Variants in ATP2C1 observed in about 807,000 individuals in gnomAD.
ATP2C1 encodes calcium-transporting ATPase type 2C member 1.
ATP2C1 carries 31 observed loss-of-function variants against 120.5 expected under a neutral mutation model. The observed-to-expected ratio is 0.26, with a 90% confidence interval of 0.19 to 0.35. The LOEUF (loss-of-function observed/expected upper bound fraction) is 0.35. Among genes scored for constraint, ATP2C1 ranks in the 10% least tolerant of loss-of-function variants. ATP2C1 has a pLI of 1.00. For missense variants in ATP2C1, 731 were observed against 1,107.5 expected (o/e 0.66, Z 4.83); for synonymous variants, 351 against 358.7 (o/e 0.98, Z 0.24).
chr3:130,957,174 C>G (rs1172154689), intron 11 of ATP2C1, among the ~76,000 whole-genome samples: 1 of 152,142 alleles, frequency 6.6e-6, no homozygotes, highest in Non-Finnish European at 1.5e-5. Flanking sequence ...TAAAACATCC[C>G]CTTTTCCTTG....
intron 1 of ATP2C1, among the ~76,000 whole-genome samples, chr3:130,883,991 G>A (rs1018777044): frequency 1.4e-5 from 2 of 141,122 alleles, no homozygotes; most frequent in African/African-American, 5.3e-5. Context: ...ACCCAGGCTG[G>A]ACTGCAGTGG....
intron 2 of ATP2C1, among the ~76,000 whole-genome samples, chr3:130,929,378 A>C (rs1353133396): frequency 6.6e-6 from 1 of 152,182 alleles, no homozygotes; most frequent in African/African-American, 2.4e-5. Context: ...GGCCTCTGTA[A>C]TGACACTCTA....
At chr3:130,999,430 C>T in intron 26 of ATP2C1, 88 bp from the exon 27 acceptor site, 7 of 1,335,304 alleles carry the variant, frequency 5.2e-6, no homozygotes, top group Non-Finnish European at 7.5e-6. Context: ...TAAAGTGACA[C>T]TGCTTGTTAA....
At chr3:130,942,775 C>T (rs934004340) in intron 8 of ATP2C1, among the ~76,000 whole-genome samples, 1 of 152,060 alleles carries the variant, frequency 6.6e-6, no homozygotes, top group African/African-American at 2.4e-5. Context: ...AATGTTAATT[C>T]TTTTCTACTC....
chr3:130,908,470 A>T (rs1008208949), intron 2 of ATP2C1, among the ~76,000 whole-genome samples: 29 of 94,402 alleles, frequency 3.1e-4, no homozygotes, highest in South Asian at 7.1e-4. Context: ...ATTAGAAATT[A>T]AAAAAAAAAA....
intron 2 of ATP2C1, among the ~76,000 whole-genome samples, chr3:130,911,061 G>A (rs1368763921): frequency 6.6e-6 from 1 of 152,002 alleles, no homozygotes; most frequent in Non-Finnish European, 1.5e-5. Flanking sequence ...GAATTTGGCT[G>A]TGAATCCATC....
rs1300342512 is a variant in ATP2C1, at chr3:130,902,159, A to G, written c.6+7384A>G. On this transcript the variant is annotated intron_variant, in intron 2 of 27. Coordinates refer to ENST00000510168, the MANE Select transcript of ATP2C1 (RefSeq NM_001378687.1). ...CAGGTTTGTTAGAATTAGACCAGGC[A>G]GGGTGTGTACAAGTGCCTGGCATGA... Among the ~76,000 whole-genome samples the G allele has an allele frequency of 3.9e-5, 6 of 152,144 alleles. No individual in the cohort carries two copies. The East Asian group carries it at 1.2e-3, about 29-fold the overall frequency.
chr3:130,939,648 C>T lies in ATP2C1; in HGVS notation c.361-982C>T, dbSNP rs576646429. Among the ~76,000 whole-genome samples, 7 of 152,202 alleles carry T rather than the reference C, an allele frequency of 4.6e-5. No individual in the cohort carries two copies. In the South Asian group the frequency reaches 1.5e-3, roughly 32 times the overall value. Reference sequence around the variant, plus strand: ...TATTACAGAATTTTTGGGTAAACTTCCAAATTCCTTAATATCCTTCATGTG... The same window carrying T: ...TATTACAGAATTTTTGGGTAAACTTTCAAATTCCTTAATATCCTTCATGTG... On this transcript the variant is annotated intron_variant, in intron 6 of 27. Transcript: ENST00000510168.
At chr3:130,962,970 G>A (rs1481021097) in intron 12 of ATP2C1, 2 of 151,822 alleles carry the variant, frequency 1.3e-5, no homozygotes, top group East Asian at 3.9e-4. Flanking sequence ...ATTATGCAAA[G>A]AAAAAGTTGG....
At chr3:130,896,761 A>G (rs1463813375) in intron 2 of ATP2C1, among the ~76,000 whole-genome samples, 2 of 152,324 alleles carry the variant, frequency 1.3e-5, no homozygotes, top group South Asian at 2.1e-4. Context: ...TTCTTCATCT[A>G]TAAATTGGGA....
At chr3:130,981,076 C>G (rs141964915) in intron 20 of ATP2C1, among the ~76,000 whole-genome samples, 149 of 152,082 alleles carry the variant, frequency 9.8e-4, no homozygotes, top group Middle Eastern at 3.4e-3. Flanking sequence ...TAGTAAAATT[C>G]GCCCATTTTA....
intron 1 of ATP2C1, among the ~76,000 whole-genome samples, chr3:130,884,237 G>A (rs779497987): frequency 8.5e-5 from 13 of 152,080 alleles, no homozygotes; most frequent in African/African-American, 1.4e-4. Context: ...CACTGTGCCC[G>A]TTCTCCTTCT....
intron 26 of ATP2C1, among the ~76,000 whole-genome samples, chr3:131,008,693 A>G (rs756821270): frequency 3.2e-4 from 48 of 152,158 alleles, no homozygotes; most frequent in Non-Finnish European, 5.9e-4. Flanking sequence ...AGATATTCAA[A>G]AAGAGGAAAA....
chr3:130,944,700 A>G (rs1436769557), intron 8 of ATP2C1, among the ~76,000 whole-genome samples: 3 of 152,216 alleles, frequency 2.0e-5, no homozygotes, highest in Non-Finnish European at 2.9e-5. Context: ...TACTTTTTAA[A>G]GACTAATATT....
Position 130,980,642 on chromosome 3 carries a change from C to G in ATP2C1, c.1802C>G (p.Ala601Gly). The G allele has an allele frequency of 1.2e-6, 2 of 1,613,360 alleles. No homozygotes were observed. The highest frequency in any genetic ancestry group is 1.7e-6 in the Non-Finnish European group (2 of 1,179,494). Residue 601 changes from alanine (A) to glycine (G), a missense_variant, in exon 20 of 28, where the codon GCA (alanine) becomes GGA (glycine). Coordinates refer to ENST00000510168, the MANE Select transcript of ATP2C1 (RefSeq NM_001378687.1). The stretch of plus-strand genomic sequence containing the variant: ...TCAGTCTCAGGAGAAGAAATAGATG[C>G]AATGGATGTTCAGCAGCTTTCACAA... ...SQSVSGEEID[A>G]MDVQQLSQIV...
chr3:130,965,798 CTT>C (rs1328279032), intron 14 of ATP2C1, among the ~76,000 whole-genome samples: 1 of 152,104 alleles, frequency 6.6e-6, no homozygotes, highest in Non-Finnish European at 1.5e-5. Context: ...TTTCATACCT[CTT>C]AGTCCTTATC....
chr3:130,879,055 T>C (rs2068698442), intron 1 of ATP2C1, among the ~76,000 whole-genome samples: 1 of 152,136 alleles, frequency 6.6e-6, no homozygotes, highest in Non-Finnish European at 1.5e-5. Flanking sequence ...GGTTCTTCAG[T>C]TTTAATATAT....
chr3:130,863,808 A>G (rs931114327), intron 1 of ATP2C1, among the ~76,000 whole-genome samples: 1 of 152,172 alleles, frequency 6.6e-6, no homozygotes, highest in Non-Finnish European at 1.5e-5. Flanking sequence ...TGCTGCTGCC[A>G]TGTAAGAAGT....
chr3:130,927,719 A>C (rs147357406), intron 2 of ATP2C1: 2 of 152,348 alleles, frequency 1.3e-5, no homozygotes, highest in Admixed American at 1.3e-4. Context: ...GAGTCTCAGC[A>C]GACTAGTTCA....
Sources: gnomAD v4.1 joint callset for allele counts (sites outside exome capture counted in the v4.1 genomes callset) on GRCh38, gnomAD v4.1.1 for gene constraint, MANE v1.5 for transcripts, NCBI Gene and HGNC (gene_info 2026-07-23, HGNC 2026-07-21) for gene names.